The following COL24A1 variants were observed in gnomAD, a reference collection of about 807,000 sequenced individuals.
The protein encoded by COL24A1 is collagen type XXIV alpha 1 chain, also known as collagen alpha-1(XXIV) chain.
In COL24A1, 224 loss-of-function variants were observed where a neutral mutation model predicts 253.9. The observed-to-expected ratio is 0.88, with a 90% CI of 0.79 to 0.99. The LOEUF is 0.99. Among genes scored for constraint, COL24A1 ranks in the 50% least tolerant of loss-of-function variants. The pLI is 0.00. For missense variants in COL24A1, 2,131 were observed against 2,068.5 expected (o/e 1.03, Z -0.59); for synonymous variants, 685 against 673.7 (o/e 1.02, Z -0.26).
At chr1:86,054,843 T>C (rs576262037) in intron 10 of COL24A1, among the ~76,000 whole-genome samples, 2 of 152,282 alleles carry the variant, frequency 1.3e-5, no homozygotes, top group African/African-American at 4.8e-5. Flanking sequence ...TCTGCACTCA[T>C]ATGTTTATTG....
chr1:85,794,572 G>C (rs999230245), intron 47 of COL24A1, among the ~76,000 whole-genome samples: 1 of 152,114 alleles, frequency 6.6e-6, no homozygotes, highest in East Asian at 1.9e-4. Context: ...AGAGTGTTCT[G>C]TTCAACGTTC....
chr1:85,904,635 T>C (rs1490132568), intron 28 of COL24A1, among the ~76,000 whole-genome samples: 2 of 152,148 alleles, frequency 1.3e-5, no homozygotes, highest in African/African-American at 2.4e-5. Context: ...TAATAATACT[T>C]TAAAGTTTAT....
At chr1:85,981,577 C>T (rs184952663) in intron 20 of COL24A1, among the ~76,000 whole-genome samples, 1 of 152,140 alleles carries the variant, frequency 6.6e-6, no homozygotes, top group Admixed American at 6.5e-5. Context: ...CTTCTAGACA[C>T]AGGCTTAGGC....
intron 5 of COL24A1, among the ~76,000 whole-genome samples, chr1:86,109,712 A>G (rs12023254): frequency 0.15 from 22,347 of 152,142 alleles, 1,782 homozygotes; most frequent in South Asian, 0.24. Context: ...CAAGATCCTA[A>G]TCCTTATCTA....
intron 4 of COL24A1, among the ~76,000 whole-genome samples, chr1:86,113,131 T>A (rs1360646881): frequency 6.6e-6 from 1 of 152,258 alleles, no homozygotes; most frequent in Admixed American, 6.5e-5. Flanking sequence ...ATAAATTATA[T>A]AATCTGAATT....
At chr1:85,959,505 T>C (rs1690802837) in intron 24 of COL24A1, among the ~76,000 whole-genome samples, 2 of 152,182 alleles carry the variant, frequency 1.3e-5, no homozygotes. Flanking sequence ...TTCAGTAATT[T>C]ATTAGCTATG....
intron 35 of COL24A1, among the ~76,000 whole-genome samples, chr1:85,872,267 G>GC: frequency 6.6e-6 from 1 of 152,236 alleles, no homozygotes; most frequent in South Asian, 2.1e-4. Flanking sequence ...TGGCCATATT[G>GC]CCCAAGGTAG....
In COL24A1 at chr1:85,971,411, A is replaced by G. The variant is rs777311550; in HGVS notation, c.2365-18T>C. On this transcript the variant is annotated intron_variant, in intron 20 of 59. Coordinates refer to ENST00000370571, the MANE Select transcript of COL24A1 (RefSeq NM_152890.7). ...AGGAGTCCCTATAAAAGCAATATAA[A>G]TGCACACAATAGAAATTTTAGATCA... is the stretch of plus-strand genomic sequence containing the variant. 5.0e-6 allele frequency: 8 copies of G among 1,592,368 alleles called. No individual in the cohort carries two copies. Among genetic ancestry groups the G allele is most frequent in the Non-Finnish European group, 6.9e-6 (8 of 1,166,478 alleles).
Position 85,938,110 on chromosome 1 carries a change from T to G in COL24A1, c.2562+23139A>C, listed in dbSNP as rs928980398. Among the ~76,000 whole-genome samples the G allele has an allele frequency of 4.1e-5, 6 of 147,564 alleles. 2 individuals carry two copies. Among genetic ancestry groups the G allele is most frequent in the Non-Finnish European group, 7.5e-5 (5 of 66,674 alleles). ...GCTAGGAGGTGATGCTTTATGAGGA[T>G]GAGGCACTATCCTATAGGATGAAGT... On this transcript the variant is annotated intron_variant, in intron 24 of 59. Transcript: ENST00000370571.
At chr1:86,132,253 T>A (rs932937518) in intron 2 of COL24A1, among the ~76,000 whole-genome samples, 1 of 152,238 alleles carries the variant, frequency 6.6e-6, no homozygotes, top group Non-Finnish European at 1.5e-5. Context: ...TCATTGTAGA[T>A]TCTGGATATT....
chr1:85,764,962 T>A (rs1210465666), intron 53 of COL24A1, among the ~76,000 whole-genome samples: 1 of 152,148 alleles, frequency 6.6e-6, no homozygotes, highest in African/African-American at 2.4e-5. Flanking sequence ...GCATACAGAT[T>A]GGGAATTTAA....
intron 32 of COL24A1, among the ~76,000 whole-genome samples, chr1:85,885,397 A>ATATATATATATATTTTTTTT (rs60994639): frequency 3.1e-5 from 4 of 128,900 alleles, no homozygotes; most frequent in Non-Finnish European, 6.4e-5. Flanking sequence ...ATATATATAT[A>ATATATATATATATTTTTTTT]TTTTTTTTTT....
Position 85,802,768 on chromosome 1 carries a change from C to T in COL24A1, c.3951+14020G>A, listed in dbSNP as rs145254181. On this transcript the variant is annotated intron_variant, in intron 47 of 59. Transcript: ENST00000370571. ...CATGCACTTCTATCTCCTGAAAACC[C>T]GATTAGCTTTTTATCATTACAGATT... Among the ~76,000 whole-genome samples, 381 of 152,216 alleles carry T rather than the reference C, an allele frequency of 2.5e-3. 1 individual carries two copies. The highest frequency in any genetic ancestry group is 3.9e-3 in the Non-Finnish European group (263 of 68,014).
intron 24 of COL24A1, among the ~76,000 whole-genome samples, chr1:85,913,341 T>C (rs894292957): frequency 6.6e-6 from 1 of 152,190 alleles, no homozygotes; most frequent in Non-Finnish European, 1.5e-5. Flanking sequence ...CAGAAGGCTA[T>C]ATATGCTCTG....
chr1:85,934,290 T>C (rs185027221), intron 24 of COL24A1, among the ~76,000 whole-genome samples: 173 of 152,320 alleles, frequency 1.1e-3, no homozygotes, highest in African/African-American at 4.1e-3. Flanking sequence ...CAAAGTAGAC[T>C]GCACACTTCA....
chr1:86,044,946 T>C (rs1699785950), intron 12 of COL24A1, among the ~76,000 whole-genome samples: 1 of 152,146 alleles, frequency 6.6e-6, no homozygotes, highest in South Asian at 2.1e-4. Flanking sequence ...CAATGCAGAT[T>C]AGTTATTTTT....
rs1243176712 is a variant in COL24A1, at chr1:85,734,750, T to C, written c.4997A>G (p.Lys1666Arg). The change falls in exon 59 of 60, where the codon AAG (lysine) becomes AGG (arginine). Residue 1666 changes from lysine to arginine, a missense_variant and splice_region_variant. By Grantham distance (26) the Lys-to-Arg change is conservative. Transcript: ENST00000370571. ...ATTCTAAAAGTGCCATTTCCTTACC[T>C]TGCAGTCATCTGAAAGCACTTTAGG... ...LEPKVLSDDC[K>R]IQDGSWHKAT... The C allele has an allele frequency of 1.9e-6, 3 of 1,613,106 alleles. No homozygotes were observed. The highest frequency in any genetic ancestry group is 2.5e-6 in the Non-Finnish European group (3 of 1,179,034).
At position 85,952,260 on chromosome 1, in the gene COL24A1, C is replaced by T. The variant is rs536763460; in HGVS notation, c.2562+8989G>A. 3.7e-4 allele frequency among the ~76,000 whole-genome samples: 56 copies of T among 152,148 alleles called. No homozygotes were observed. The South Asian group carries it at 0.011, about 29-fold the overall frequency. ...CAGAAAAATGTTTCTAGTGAACATG[C>T]GCACATAAAGAACAGATTTCACTCC... On this transcript the variant is annotated intron_variant, in intron 24 of 59. Coordinates refer to ENST00000370571, the MANE Select transcript of COL24A1 (RefSeq NM_152890.7).
intron 19 of COL24A1, among the ~76,000 whole-genome samples, chr1:86,003,795 A>AAG (rs34489807): frequency 0.59 from 89,690 of 151,416 alleles, 26,856 homozygotes; most frequent in East Asian, 0.84. Flanking sequence ...AAAATAGAGG[A>AAG]AGAGAGATCT....
Sources: allele counts gnomAD v4.1 joint callset (sites outside exome capture counted in the v4.1 genomes callset), GRCh38; gene constraint gnomAD v4.1.1; transcripts MANE v1.5; gene names NCBI Gene and HGNC (gene_info 2026-07-23, HGNC 2026-07-21).